AGFG1: variants seen among roughly 807,000 people sequenced by gnomAD.
AGFG1 encodes the protein ArfGAP with FG repeats 1.
A neutral mutation model predicts 60.6 loss-of-function variants in AGFG1; 10 were observed. The ratio of observed to expected loss-of-function variants is 0.16; its 90% CI spans 0.10 to 0.28. The LOEUF (loss-of-function observed/expected upper bound fraction) is 0.28, where lower values mean the gene tolerates loss of function less well. AGFG1 is among the 10% of genes least tolerant of loss of function. The pLI, the probability that AGFG1 is intolerant of heterozygous loss-of-function variation, is 1.00. For missense variants in AGFG1, 537 were observed against 676.5 expected, an observed-to-expected ratio of 0.79 and a Z score of 2.29; for synonymous variants, 247 against 242.9, an observed-to-expected ratio of 1.02 and a Z score of -0.16.
intron 3 of AGFG1, among the ~76,000 whole-genome samples, chr2:227,522,666 T>A (rs140765570): frequency 7.2e-5 from 11 of 152,248 alleles, no homozygotes; most frequent in African/African-American, 2.7e-4. Flanking sequence ...GGATTTGAAC[T>A]CTTGTCTCTG....
At chr2:227,512,681 T>C (rs920962757) in intron 2 of AGFG1, among the ~76,000 whole-genome samples, 3 of 152,234 alleles carry the variant, frequency 2.0e-5, no homozygotes, top group African/African-American at 7.2e-5. Context: ...TTAATATTTA[T>C]TTTTGTTCAG....
rs546084331 is a variant in AGFG1, at chr2:227,492,663, G to C, written c.261+1023G>C. ...TGAGGAAATATAAATTCACAGCTAT[G>C]AAATATTTTTAAATATTTCATATTA... On this transcript the variant is annotated intron_variant, in intron 2 of 12. Transcript: ENST00000310078. 6.6e-4 allele frequency among the ~76,000 whole-genome samples: 100 copies of C among 152,070 alleles called. 1 individual carries two copies. Among genetic ancestry groups the C allele is most frequent in the African/African-American group, 2.2e-3 (92 of 41,500 alleles).
chr2:227,523,725 A>G, intron 3 of AGFG1, 38 bp from the exon 4 acceptor site: 1 of 1,577,442 alleles, frequency 6.3e-7, no homozygotes, highest in Non-Finnish European at 8.7e-7. Flanking sequence ...AGAATTACCT[A>G]CATTTTTTTT....
intron 2 of AGFG1, among the ~76,000 whole-genome samples, chr2:227,512,824 G>A (rs547930875): frequency 6.6e-6 from 1 of 152,164 alleles, no homozygotes; most frequent in East Asian, 1.9e-4. Context: ...ACATACAAAA[G>A]GAGGCAGGAT....
intron 8 of AGFG1, among the ~76,000 whole-genome samples, chr2:227,535,485 A>C (rs774141346): frequency 6.6e-6 from 1 of 152,240 alleles, no homozygotes; most frequent in Admixed American, 6.5e-5. Flanking sequence ...TGTCATCCTC[A>C]TATTTACAAA....
intron 1 of AGFG1, among the ~76,000 whole-genome samples, chr2:227,479,209 A>T (rs752949019): frequency 6.6e-6 from 1 of 152,200 alleles, no homozygotes; most frequent in Non-Finnish European, 1.5e-5. Flanking sequence ...GGTACCTTTT[A>T]TACTGGGAAA....
intron 2 of AGFG1, among the ~76,000 whole-genome samples, chr2:227,498,981 G>GT (rs879719968): frequency 3.9e-5 from 6 of 151,992 alleles, no homozygotes; most frequent in Non-Finnish European, 5.9e-5. Context: ...TTTTTAAAGA[G>GT]TTTTTTTGTG....
chr2:227,545,489 A>G (rs1692617484), intron 10 of AGFG1, among the ~76,000 whole-genome samples: 1 of 152,202 alleles, frequency 6.6e-6, no homozygotes, highest in African/African-American at 2.4e-5. Context: ...TTCTCTGTCC[A>G]GCTTTGTTCC....
intron 2 of AGFG1, among the ~76,000 whole-genome samples, chr2:227,497,747 T>G (rs1458467478): frequency 1.5e-5 from 2 of 136,224 alleles, no homozygotes; most frequent in South Asian, 2.4e-4. Flanking sequence ...TTTTTTTTTT[T>G]TTTTTTTTTT....
At chr2:227,511,518 C>G (rs1056766154) in intron 2 of AGFG1, among the ~76,000 whole-genome samples, 1 of 152,120 alleles carries the variant, frequency 6.6e-6, no homozygotes, top group Non-Finnish European at 1.5e-5. Context: ...CCAGATTTAG[C>G]CCAGTTTGCT....
At chr2:227,536,870 A>T (rs1423004415) in intron 9 of AGFG1, 31 bp from the exon 10 acceptor site, 1 of 1,587,818 alleles carries the variant, frequency 6.3e-7, no homozygotes, top group Non-Finnish European at 8.6e-7. Flanking sequence ...ATGTATTAGG[A>T]TTTTATAGTG....
chr2:227,481,179 C>T (rs990645470), intron 1 of AGFG1, among the ~76,000 whole-genome samples: 3 of 101,040 alleles, frequency 3.0e-5, no homozygotes, highest in Admixed American at 2.6e-4. Context: ...CTCCAATCTT[C>T]TTTTTTGGGG....
chr2:227,529,487 T>A (rs1207430365), intron 5 of AGFG1, among the ~76,000 whole-genome samples: 3 of 152,132 alleles, frequency 2.0e-5, no homozygotes, highest in Non-Finnish European at 2.9e-5. Flanking sequence ...GATAATTTAG[T>A]GTGACTTAAA....
Position 227,552,077 on chromosome 2 carries a change from A to G in AGFG1, c.1497A>G (p.Ala499=), listed in dbSNP as rs777445141. Residue 499 remains alanine (A), a synonymous_variant, in exon 11 of 13, where the codon GCA becomes GCG. Coordinates refer to ENST00000310078, the MANE Select transcript of AGFG1 (RefSeq NM_004504.5). ...SFQQPAFPAQ[A]AFPQQTAFSQ... is the part of the protein sequence containing the mutation. ...AGCAGCCTGCCTTTCCAGCCCAAGC[A>G]GCTTTCCCTCAACAGACAGCTTTTT... 1.9e-6 allele frequency: 3 copies of G among 1,614,210 alleles called. No individual in the cohort carries two copies. The South Asian group carries it at 3.3e-5, about 18-fold the overall frequency.
At chr2:227,549,111 C>A (rs1692742736) in intron 10 of AGFG1, among the ~76,000 whole-genome samples, 1 of 151,928 alleles carries the variant, frequency 6.6e-6, no homozygotes, top group Middle Eastern at 3.4e-3. Context: ...TTCGTTGTTA[C>A]ATTTATTCTT....
chr2:227,517,090 TTTCTGGCAG>T (rs1691672994), intron 2 of AGFG1, among the ~76,000 whole-genome samples: 15 of 152,212 alleles, frequency 9.9e-5, no homozygotes, highest in Admixed American at 8.5e-4. Context: ...GTCTGTAGTA[TTTCTGGCAG>T]TAAGTTGTAC....
chr2:227,541,377 T>C (rs928367363), intron 10 of AGFG1, among the ~76,000 whole-genome samples: 2 of 152,164 alleles, frequency 1.3e-5, no homozygotes, highest in African/African-American at 4.8e-5. Flanking sequence ...TTGTACAAGG[T>C]GTAAGGAAGG....
intron 5 of AGFG1, among the ~76,000 whole-genome samples, chr2:227,528,448 C>A (rs910421916): frequency 4.6e-5 from 7 of 152,222 alleles, no homozygotes; most frequent in Admixed American, 4.6e-4. Flanking sequence ...AAGCGATTTC[C>A]CCCCTGACCA....
At chr2:227,520,706 G>C (rs570984734) in intron 3 of AGFG1, among the ~76,000 whole-genome samples, 2 of 152,316 alleles carry the variant, frequency 1.3e-5, no homozygotes, top group East Asian at 3.9e-4. Context: ...TTCAGCTACT[G>C]AGGGTTCTTC....
Sources: allele counts gnomAD v4.1 joint callset (sites outside exome capture counted in the v4.1 genomes callset), GRCh38; gene constraint gnomAD v4.1.1; transcripts MANE v1.5; gene names NCBI Gene and HGNC (gene_info 2026-07-23, HGNC 2026-07-21).